Variants in CSMD2 observed in about 807,000 individuals in gnomAD.
The protein encoded by CSMD2 is CUB and Sushi multiple domains 2, also known as CUB and sushi domain-containing protein 2.
In CSMD2, 130 loss-of-function variants were observed where a neutral mutation model predicts 398.5. The ratio of observed to expected loss-of-function variants is 0.33; its 90% confidence interval spans 0.28 to 0.38. The LOEUF is 0.38. Ranked by LOEUF, CSMD2 falls within the 10% of genes least tolerant of loss-of-function variation. The pLI, the probability that CSMD2 is intolerant of heterozygous loss-of-function variation, is 1.00. For synonymous variants in CSMD2, 1,828 were observed against 1,908.5 expected (o/e 0.96, Z 1.10); for missense variants, 3,829 against 4,764.9 (o/e 0.80, Z 5.78).
chr1:33,527,629 G>A (rs1654889878), intron 64 of CSMD2, among the ~76,000 whole-genome samples: 1 of 152,144 alleles, frequency 6.6e-6, no homozygotes, highest in Non-Finnish European at 1.5e-5. Flanking sequence ...CAATATTCAT[G>A]ATATTGGTAG....
At chr1:34,084,625 A>G (rs1657646929) in intron 2 of CSMD2, among the ~76,000 whole-genome samples, 1 of 152,184 alleles carries the variant, frequency 6.6e-6, no homozygotes, top group Non-Finnish European at 1.5e-5. Context: ...AGACACATGA[A>G]AAAATGCTCA....
At chr1:33,532,856 G>A (rs1655377026) in intron 64 of CSMD2, among the ~76,000 whole-genome samples, 194 bp downstream of exon 64, 1 of 152,228 alleles carries the variant, frequency 6.6e-6, no homozygotes, top group Non-Finnish European at 1.5e-5. Flanking sequence ...GGCAACCCTT[G>A]GGGTGGGTTG....
In CSMD2 at chr1:33,693,016, C is replaced by A; in HGVS notation, c.3966G>T (p.Gln1322His). 1.2e-6 allele frequency: 2 copies of A among 1,604,452 alleles called. No individual in the cohort carries two copies. Among genetic ancestry groups the A allele is most frequent in the Non-Finnish European group, 1.7e-6 (2 of 1,175,916 alleles). ...GGTVRGEVSGQVLSPGYPAPY... is the reference protein window; with the variant it reads ...GGTVRGEVSGHVLSPGYPAPY... ...GAGCTGGATACCCGGGTGACAGCAC[C>A]TGCCCCGACACCTCTCCTCTCACTG... The change falls in exon 25 of 71, where the codon CAG becomes CAT. Residue 1322 changes from glutamine (Q) to histidine (H), a missense_variant. Gln to His is a conservative substitution (Grantham distance 24). This residue lies in a region of CSMD2 where 2,001 missense variants were observed against 2,567.1 expected (regional missense o/e 0.78). Coordinates refer to ENST00000373381, the MANE Select transcript of CSMD2 (RefSeq NM_001281956.2).
chr1:33,529,212 C>G (rs187865457), intron 64 of CSMD2, among the ~76,000 whole-genome samples: 1 of 152,236 alleles, frequency 6.6e-6, no homozygotes, highest in South Asian at 2.1e-4. Flanking sequence ...GTAATCATAG[C>G]TCACTGTAAC....
chr1:34,153,192 T>G (rs994953403), intron 1 of CSMD2, among the ~76,000 whole-genome samples: 19 of 152,272 alleles, frequency 1.2e-4, no homozygotes, highest in Admixed American at 3.3e-4. Context: ...GATTTTTGTA[T>G]TTTTAGTAGA....
chr1:34,160,123 G>T (rs192031574), intron 1 of CSMD2, among the ~76,000 whole-genome samples: 2 of 152,256 alleles, frequency 1.3e-5, no homozygotes, highest in African/African-American at 2.4e-5. Flanking sequence ...TGCTGAAGCT[G>T]CCTGCTGGGC....
intron 3 of CSMD2, among the ~76,000 whole-genome samples, chr1:33,968,703 C>CT (rs1645647099): frequency 6.6e-6 from 1 of 152,200 alleles, no homozygotes; most frequent in African/African-American, 2.4e-5. Context: ...CCCACCATCA[C>CT]TTGACAGCAG....
chr1:33,663,295 A>T (rs1261415751), intron 25 of CSMD2, among the ~76,000 whole-genome samples: 5 of 152,156 alleles, frequency 3.3e-5, no homozygotes, highest in Non-Finnish European at 7.4e-5. Context: ...GGCCTCCAGC[A>T]ATGGGGACAA....
At chr1:34,109,816 G>T (rs2148438421) in intron 1 of CSMD2, among the ~76,000 whole-genome samples, 1 of 152,038 alleles carries the variant, frequency 6.6e-6, no homozygotes, top group South Asian at 2.1e-4. Flanking sequence ...AAGGCGGGCG[G>T]ATCACGAGGT....
At position 34,077,736 on chromosome 1, in the gene CSMD2, C is replaced by CAAA. The variant is rs59532141; in HGVS notation, c.404+11238_404+11240dup. Among the ~76,000 whole-genome samples, 20 of 38,368 alleles carry CAAA rather than the reference C, an allele frequency of 5.2e-4. 1 individual carries two copies. The highest frequency in any genetic ancestry group is 1.8e-3 in the African/African-American group (16 of 8,936). 25.2% of individuals were successfully genotyped at this position (38,368 alleles called of 152,430 possible). A position where few individuals can be genotyped will look rare whatever the true frequency, so the allele number is the denominator to read the frequency against. ...TGGGCCACACAGCAAGACTCCATCT[C>CAAA]AAAAAAAAAAAAAAAAAAAAAAAAA... On this transcript the variant is annotated intron_variant, in intron 2 of 70. Transcript: ENST00000373381.
Position 33,567,806 on chromosome 1 carries a change from G to A in CSMD2, c.8167C>T (p.Leu2723Phe). Reference protein sequence around the residue: ...QTKLHSIFYKLLFDVLSSPSL... With the variant: ...QTKLHSIFYKFLFDVLSSPSL... ...GGGGAAGAGAGTACATCGAAGAGGA[G>A]CTTATAGAAAATGGAGTGGAGCTTG... Residue 2723 changes from leucine to phenylalanine, a missense_variant, in exon 53 of 71, where the codon CTC becomes TTC. Leu to Phe is a conservative substitution (Grantham distance 22). Coordinates refer to ENST00000373381, the MANE Select transcript of CSMD2 (RefSeq NM_001281956.2). The A allele has an allele frequency of 6.2e-7, 1 of 1,605,586 alleles. No homozygotes were observed. Among genetic ancestry groups the A allele is most frequent in the Non-Finnish European group, 8.5e-7 (1 of 1,175,646 alleles).
intron 25 of CSMD2, among the ~76,000 whole-genome samples, chr1:33,675,972 G>A (rs905950846): frequency 2.6e-5 from 4 of 152,132 alleles, no homozygotes; most frequent in Non-Finnish European, 4.4e-5. Flanking sequence ...AATAATAAGA[G>A]CTATTTATGA....
chr1:33,680,194 T>G (rs1468951702), intron 25 of CSMD2, among the ~76,000 whole-genome samples: 1 of 143,020 alleles, frequency 7.0e-6, no homozygotes, highest in African/African-American at 2.6e-5. Flanking sequence ...AATATTGTGA[T>G]CCCTGCTTTT....
At chr1:33,820,430 AC>A (rs748925825) in intron 8 of CSMD2, 38 bp downstream of exon 8, 1 of 1,416,692 alleles carries the variant, frequency 7.1e-7, no homozygotes, top group African/African-American at 1.4e-5. Context: ...AGGCCACCCC[AC>A]CCTTCTTGCA....
chr1:33,650,855 A>G (rs1571089434), intron 28 of CSMD2, among the ~76,000 whole-genome samples: 1 of 152,122 alleles, frequency 6.6e-6, no homozygotes. Flanking sequence ...CTACCCTCAG[A>G]TGCCAACACT....
intron 1 of CSMD2, among the ~76,000 whole-genome samples, chr1:34,152,363 G>C (rs1405188110): frequency 6.6e-6 from 1 of 152,150 alleles, no homozygotes; most frequent in East Asian, 1.9e-4. Context: ...TGGGGCTCCA[G>C]GCACCCTCAC....
chr1:33,617,596 G>C lies in CSMD2; in HGVS notation c.5849C>G (p.Pro1950Arg), dbSNP rs1336355086. Residue 1950 changes from proline to arginine, a missense_variant, in exon 38 of 71, where the codon CCG (proline) becomes CGG (arginine). Pro to Arg is a moderately radical substitution (Grantham distance 103). This residue lies in a region of CSMD2 where 2,001 missense variants were observed against 2,567.1 expected (regional missense o/e 0.78). Coordinates refer to ENST00000373381, the MANE Select transcript of CSMD2 (RefSeq NM_001281956.2). ...EYKTVGLSSC[P>R]EPAVPSNGVK... is the part of the protein sequence containing the mutation. ...CCCGTTACTGGGCACAGCAGGTTCC[G>C]GACAACTGCTCAGGCCCACCGCTAG... is the stretch of plus-strand genomic sequence containing the variant. 1 of 1,613,788 alleles carries C rather than the reference G, an allele frequency of 6.2e-7. No homozygotes were observed. The highest frequency in any genetic ancestry group is 8.5e-7 in the Non-Finnish European group (1 of 1,179,850).
At chr1:34,086,844 G>C (rs1015833720) in intron 2 of CSMD2, among the ~76,000 whole-genome samples, 7 of 152,004 alleles carry the variant, frequency 4.6e-5, no homozygotes, top group Non-Finnish European at 7.4e-5. Flanking sequence ...TCCCTGCATG[G>C]CCTATGAGGC....
chr1:34,128,022 G>A (rs1285823291), intron 1 of CSMD2, among the ~76,000 whole-genome samples: 1 of 152,156 alleles, frequency 6.6e-6, no homozygotes, highest in Non-Finnish European at 1.5e-5. Context: ...CTTGGCTGCA[G>A]TTCTTGATTT....
Sources: allele counts gnomAD v4.1 joint callset (sites outside exome capture counted in the v4.1 genomes callset), GRCh38; gene constraint gnomAD v4.1.1; regional missense constraint gnomAD v4.1.1; transcripts MANE v1.5; gene names NCBI Gene and HGNC (gene_info 2026-07-23, HGNC 2026-07-21).